GAL: variants seen among roughly 807,000 people sequenced by gnomAD.
GAL encodes galanin peptides.
In GAL, 14 loss-of-function variants were observed where a neutral mutation model predicts 15.8. The ratio of observed to expected loss-of-function variants is 0.89; its 90% CI spans 0.59 to 1.39. The LOEUF is 1.39. Ranked by LOEUF, GAL falls within the 40% of genes most tolerant of loss-of-function variation. The probability of loss-of-function intolerance (pLI) is 0.00; values close to 1 mark genes in which losing one functional copy is unlikely to be tolerated. For missense variants in GAL, 176 were observed against 170.4 expected (o/e 1.03, Z -0.18); for synonymous variants, 79 against 73.8 (o/e 1.07, Z -0.36).
rs776757641 is a variant in GAL, at chr11:68,688,118, C to G, written c.223+18C>G. 2.6e-6 allele frequency: 4 copies of G among 1,524,980 alleles called. No individual in the cohort carries two copies. The Middle Eastern group carries it at 6.8e-4, about 258-fold the overall frequency. The allele number at this position is 1,524,980 out of a possible 1,614,324, so 94.5% of individuals were successfully genotyped here. ...GAAACCAGGTGAGAGGACTCCTATCCCGGGCCCCGGGGCACCTCACTTCCA... is the reference window on the plus strand; with the variant it reads ...GAAACCAGGTGAGAGGACTCCTATCGCGGGCCCCGGGGCACCTCACTTCCA... On this transcript the variant is annotated intron_variant, in intron 4 of 5. Transcript: ENST00000265643.
At chr11:68,687,691 C>T (rs1201371275) in intron 3 of GAL, among the ~76,000 whole-genome samples, 1 of 152,210 alleles carries the variant, frequency 6.6e-6, no homozygotes, top group African/African-American at 2.4e-5. Context: ...AGCTCAGATG[C>T]CAGCTCCTCT....
In GAL at chr11:68,684,655, A is replaced by C. The variant is rs2153989708; in HGVS notation, c.-78A>C. 1 of 333,734 alleles carries C rather than the reference A, an allele frequency of 3.0e-6. No individual in the cohort carries two copies. Among genetic ancestry groups the C allele is most frequent in the Non-Finnish European group, 5.4e-6 (1 of 185,428 alleles). 20.7% of individuals were successfully genotyped at this position (333,734 alleles called of 1,614,324 possible). A position where few individuals can be genotyped will look rare whatever the true frequency, so the allele number is the denominator to read the frequency against. ...GCCAGAGCCCACCCGACCCGGCCCG[A>C]CGCCCGGACCTGCCGCCCAGACCCG... On this transcript the variant is annotated 5_prime_UTR_variant, in exon 1 of 6. Transcript: ENST00000265643.
chr11:68,688,357 G>A (rs1594275302), intron 4 of GAL, among the ~76,000 whole-genome samples: 1 of 152,190 alleles, frequency 6.6e-6, no homozygotes, highest in African/African-American at 2.4e-5. Context: ...GACTGGGCAC[G>A]ATGGCTCCTG....
In GAL at chr11:68,690,930, C is replaced by T. The variant is rs748331117; in HGVS notation, c.315C>T (p.Leu105=). ...SFLHLKEAGA[L]DRLLDLPAAA... ...TTCCCTTTGCAGAGGCCGGTGCCCT[C>T]GACCGCCTCCTGGATCTCCCCGCCG... The change falls in exon 6 of 6, where the codon CTC becomes CTT. Residue 105 remains leucine (L), a synonymous_variant. Coordinates refer to ENST00000265643, the MANE Select transcript of GAL (RefSeq NM_015973.5). 5 of 1,612,386 alleles carry T rather than the reference C, an allele frequency of 3.1e-6. No individual in the cohort carries two copies. The highest frequency in any genetic ancestry group is 2.2e-5 in the South Asian group (2 of 91,050).
Position 68,685,062 on chromosome 11 carries a change from G to A in GAL, c.81+58G>A, listed in dbSNP as rs1594273636. ...GGGACATCAGAGCCGGCCGGGCGTG[G>A]AGGGCTTCCTGGAGGAGGCAGCCTC... is the stretch of plus-strand genomic sequence containing the variant. On this transcript the variant is annotated intron_variant, in intron 2 of 5. Coordinates refer to ENST00000265643, the MANE Select transcript of GAL (RefSeq NM_015973.5). 4 of 1,189,832 alleles carry A rather than the reference G, an allele frequency of 3.4e-6. No individual in the cohort carries two copies. In the East Asian group the frequency reaches 1.0e-4, roughly 31 times the overall value. The allele number at this position is 1,189,832 out of a possible 1,614,324, so 73.7% of individuals were successfully genotyped here. A position where few individuals can be genotyped will look rare whatever the true frequency, so the allele number is the denominator to read the frequency against.
intron 2 of GAL, among the ~76,000 whole-genome samples, chr11:68,685,221 T>C (rs1566301805): frequency 6.6e-6 from 1 of 152,162 alleles, no homozygotes; most frequent in Non-Finnish European, 1.5e-5. Flanking sequence ...AGCCCCGGGC[T>C]ATAACCAGGC....
chr11:68,690,767 C>T, intron 5 of GAL, 150 bp from the exon 6 acceptor site: 2 of 643,602 alleles, frequency 3.1e-6, no homozygotes, highest in Non-Finnish European at 5.7e-6. Flanking sequence ...GTGAGGAATA[C>T]AGAGTGTTGT....
chr11:68,686,089 C>A, intron 3 of GAL, among the ~76,000 whole-genome samples: 1 of 152,306 alleles, frequency 6.6e-6, no homozygotes, highest in East Asian at 1.9e-4. Flanking sequence ...AGACAGGCTC[C>A]CCTCAAAACA....
At chr11:68,688,537 G>A (rs569412905) in intron 4 of GAL, among the ~76,000 whole-genome samples, 5 of 152,304 alleles carry the variant, frequency 3.3e-5, no homozygotes, top group Non-Finnish European at 5.9e-5. Flanking sequence ...GCAGAGGCTC[G>A]AGAATCACTT....
At position 68,691,123 on chromosome 11, in the gene GAL, G is replaced by A; in HGVS notation, c.*136G>A. 1.0e-5 allele frequency: 6 copies of A among 588,204 alleles called. No individual in the cohort carries two copies. Among genetic ancestry groups the A allele is most frequent in the South Asian group, 6.7e-5 (3 of 45,064 alleles). The allele number at this position is 588,204 out of a possible 1,614,324, so 36.4% of individuals were successfully genotyped here. A position where few individuals can be genotyped will look rare whatever the true frequency, so the allele number is the denominator to read the frequency against. ...TTGATGTTGTGTTGTTATCATTTAA[G>A]ATTTTTTTTTTTTGGTAATTATTTT... On this transcript the variant is annotated 3_prime_UTR_variant, in exon 6 of 6. Transcript: ENST00000265643.
At chr11:68,685,336 C>T (rs1945841518) in intron 2 of GAL, among the ~76,000 whole-genome samples, 1 of 152,268 alleles carries the variant, frequency 6.6e-6, no homozygotes, top group Admixed American at 6.5e-5. Context: ...ACTGGCGTGG[C>T]CTCAGCGTCA....
chr11:68,690,133 G>A (rs1050148672), intron 5 of GAL, among the ~76,000 whole-genome samples: 1 of 151,700 alleles, frequency 6.6e-6, no homozygotes, highest in African/African-American at 2.4e-5. Context: ...CCTTCACCTG[G>A]TGCTCTGAGA....
In GAL at chr11:68,690,948, C is replaced by T. The variant is rs759047278; in HGVS notation, c.333C>T (p.Leu111=). 2.5e-6 allele frequency: 4 copies of T among 1,613,322 alleles called. No individual in the cohort carries two copies. The highest frequency in any genetic ancestry group is 3.4e-6 in the Non-Finnish European group (4 of 1,179,560). ...GTGCCCTCGACCGCCTCCTGGATCT[C>T]CCCGCCGCAGCCTCCTCAGAAGACA... The part of the protein sequence containing the change: ...EAGALDRLLD[L]PAAASSEDIE... The change falls in exon 6 of 6, where the codon CTC becomes CTT. Residue 111 remains leucine (L), a synonymous_variant. Coordinates refer to ENST00000265643, the MANE Select transcript of GAL (RefSeq NM_015973.5).
At position 68,684,657 on chromosome 11, in the gene GAL, G is replaced by A. The variant is rs1188271327; in HGVS notation, c.-76G>A. ...CAGAGCCCACCCGACCCGGCCCGAC[G>A]CCCGGACCTGCCGCCCAGACCCGCC... On this transcript the variant is annotated 5_prime_UTR_variant, in exon 1 of 6. Coordinates refer to ENST00000265643, the MANE Select transcript of GAL (RefSeq NM_015973.5). 2.9e-6 allele frequency: 1 copy of A among 342,186 alleles called. No individual in the cohort carries two copies. Among genetic ancestry groups the A allele is most frequent in the African/African-American group, 2.1e-5 (1 of 46,662 alleles). 21.2% of individuals were successfully genotyped at this position (342,186 alleles called of 1,614,324 possible).
chr11:68,685,476 AT>A, intron 2 of GAL, 117 bp from the exon 3 acceptor site: 1 of 733,096 alleles, frequency 1.4e-6, no homozygotes, highest in South Asian at 1.5e-5. Flanking sequence ...TTCGCGAGCT[AT>A]CCAAAAGCAC....
At chr11:68,690,851 G>A (rs1342744419) in intron 5 of GAL, 66 bp from the exon 6 acceptor site, 21 of 1,006,198 alleles carry the variant, frequency 2.1e-5, no homozygotes, top group South Asian at 3.8e-5. Flanking sequence ...AGCATGTGTC[G>A]TGGTTGTAAT....
At chr11:68,687,243 G>A (rs746922051) in intron 3 of GAL, among the ~76,000 whole-genome samples, 16 of 152,076 alleles carry the variant, frequency 1.1e-4, no homozygotes, top group African/African-American at 2.7e-4. Context: ...ACACAGAGGC[G>A]TCCTCACCCT....
chr11:68,686,768 C>A (rs1945857483), intron 3 of GAL, among the ~76,000 whole-genome samples: 1 of 152,180 alleles, frequency 6.6e-6, no homozygotes, highest in Admixed American at 6.5e-5. Flanking sequence ...ATTTCCTCAA[C>A]CCTTTGCAAC....
chr11:68,689,029 A>ATTACT, intron 5 of GAL, 103 bp downstream of exon 5: 1 of 679,244 alleles, frequency 1.5e-6, no homozygotes, highest in Admixed American at 2.2e-5. Context: ...GAAGTAGCCG[A>ATTACT]TTACTTATCT....
Sources: allele counts gnomAD v4.1 joint callset (sites outside exome capture counted in the v4.1 genomes callset), GRCh38; gene constraint gnomAD v4.1.1; transcripts MANE v1.5; gene names NCBI Gene and HGNC (gene_info 2026-07-23, HGNC 2026-07-21).